Variants in KCNH1 observed in about 807,000 individuals in gnomAD.
KCNH1 encodes the protein voltage-gated delayed rectifier potassium channel KCNH1.
A neutral mutation model predicts 69.2 loss-of-function variants in KCNH1; 27 were observed. That is an observed-to-expected ratio of 0.39 (90% CI 0.29 to 0.54). KCNH1 has a LOEUF of 0.54. KCNH1 is among the 20% of genes least tolerant of loss of function. KCNH1 has a pLI of 0.68. For missense variants in KCNH1, 798 were observed against 1,261.6 expected (o/e 0.63, Z 5.57); for synonymous variants, 456 against 487.7 (o/e 0.93, Z 0.86).
At chr1:210,996,699 T>A (rs1689047996) in intron 6 of KCNH1, among the ~76,000 whole-genome samples, 1 of 152,230 alleles carries the variant, frequency 6.6e-6, no homozygotes, top group Non-Finnish European at 1.5e-5. Flanking sequence ...AAGTGGGTCC[T>A]TGACCCCTGA....
rs545707606 is a variant in KCNH1 at position 210,716,840 on chromosome 1, G to A, written c.2113-32702C>T. Among the ~76,000 whole-genome samples the A allele has an allele frequency of 5.8e-3, 880 of 152,226 alleles. 6 individuals carry two copies. Among genetic ancestry groups the A allele is most frequent in the Non-Finnish European group, 8.1e-3 (551 of 68,008 alleles). On this transcript the variant is annotated intron_variant, in intron 10 of 10. Transcript: ENST00000271751. ...TGGGCATACACTTATAGATAATCAC[G>A]AGTTGCTATGATTTTTTGGGGCTAA...
intron 7 of KCNH1, among the ~76,000 whole-genome samples, chr1:210,824,526 C>G (rs1684998300): frequency 6.6e-6 from 1 of 152,054 alleles, no homozygotes; most frequent in Admixed American, 6.5e-5. Flanking sequence ...ATTGCCAAAT[C>G]TTTTTAATGT....
intron 5 of KCNH1, among the ~76,000 whole-genome samples, chr1:211,026,392 AAAAC>A (rs991473038): frequency 6.6e-6 from 1 of 151,616 alleles, no homozygotes; most frequent in African/African-American, 2.4e-5. Context: ...AAAAAAAAAA[AAAAC>A]AACCACAACA....
rs1262827109 is a variant in KCNH1 at position 210,861,687 on chromosome 1, T to C, written c.1463-57521A>G. The C allele has an allele frequency of 3.9e-6, 3 of 773,804 alleles. No individual in the cohort carries two copies. In the African/African-American group the frequency reaches 5.1e-5, roughly 13 times the overall value. 47.9% of individuals were successfully genotyped at this position (773,804 alleles called of 1,614,324 possible). A position where few individuals can be genotyped will look rare whatever the true frequency, so the allele number is the denominator to read the frequency against. The stretch of plus-strand genomic sequence containing the variant: ...GATCATAGAAGATCTTGAATATTTG[T>C]TTCTGGATGACGACAGACTGATCAG... On this transcript the variant is annotated intron_variant, in intron 7 of 10. Coordinates refer to ENST00000271751, the MANE Select transcript of KCNH1 (RefSeq NM_172362.3).
In KCNH1 at chr1:210,683,153, T is replaced by C. The variant is rs879724402; in HGVS notation, c.*128A>G. On this transcript the variant is annotated 3_prime_UTR_variant, in exon 11 of 11. Transcript: ENST00000271751. The surrounding 1 kb of genome is among the most constrained non-coding windows in gnomAD (Gnocchi z 5.7). ...TAGAGAAAGAGCACGTCTAAGCCAC[T>C]GGCCCCACTTTTTCTGTTAGGAAAA... 15 of 919,100 alleles carry C rather than the reference T, an allele frequency of 1.6e-5. No individual in the cohort carries two copies. The highest frequency in any genetic ancestry group is 2.5e-5 in the Non-Finnish European group (15 of 603,688). 56.9% of individuals were successfully genotyped at this position (919,100 alleles called of 1,614,324 possible).
chr1:210,818,308 C>T (rs1180880025), intron 7 of KCNH1, among the ~76,000 whole-genome samples: 2 of 152,094 alleles, frequency 1.3e-5, no homozygotes, highest in African/African-American at 4.8e-5. Context: ...ACTTTAAAGA[C>T]GTCTTATAAG....
At chr1:210,895,902 G>A (rs972647422) in intron 7 of KCNH1, among the ~76,000 whole-genome samples, 4 of 152,110 alleles carry the variant, frequency 2.6e-5, no homozygotes, top group African/African-American at 9.7e-5. Context: ...TACTGCAGCT[G>A]AGATTAACAC....
chr1:211,075,866 A>C (rs1690722941), intron 5 of KCNH1, among the ~76,000 whole-genome samples: 1 of 152,224 alleles, frequency 6.6e-6, no homozygotes, highest in African/African-American at 2.4e-5. Flanking sequence ...GAAAAACGGG[A>C]TACTCCCACC....
chr1:211,050,181 T>A (rs1399951659), intron 5 of KCNH1, among the ~76,000 whole-genome samples: 1 of 144,504 alleles, frequency 6.9e-6, no homozygotes, highest in Non-Finnish European at 1.5e-5. Flanking sequence ...TTCCATAGAG[T>A]TCCAAAAAGC....
chr1:210,686,204 T>C (rs567944930), intron 10 of KCNH1, among the ~76,000 whole-genome samples: 2 of 152,276 alleles, frequency 1.3e-5, no homozygotes, highest in African/African-American at 4.8e-5. Flanking sequence ...TCATGGGGGA[T>C]GGGAAAGTGA....
chr1:210,797,860 G>A, intron 8 of KCNH1, 100 bp from the exon 9 acceptor site: 1 of 1,359,700 alleles, frequency 7.4e-7, no homozygotes, highest in Non-Finnish European at 1.0e-6. Context: ...CACTACGCCA[G>A]ACTGCACTCT....
At chr1:210,882,518 G>A (rs1026735607) in intron 7 of KCNH1, among the ~76,000 whole-genome samples, 3 of 152,176 alleles carry the variant, frequency 2.0e-5, no homozygotes, top group African/African-American at 7.2e-5. Flanking sequence ...ACAGTGCTCA[G>A]ATAGACGGAG....
At chr1:210,765,404 AAAAC>A (rs1339832305) in intron 10 of KCNH1, among the ~76,000 whole-genome samples, 1 of 152,200 alleles carries the variant, frequency 6.6e-6, no homozygotes, top group East Asian at 1.9e-4. Flanking sequence ...AAAATTTAAT[AAAAC>A]AAACAACCAC....
At chr1:210,916,086 C>A (rs935040567) in intron 7 of KCNH1, among the ~76,000 whole-genome samples, 4 of 152,044 alleles carry the variant, frequency 2.6e-5, no homozygotes, top group African/African-American at 9.7e-5. Context: ...GGTCAATGCT[C>A]CCCATTACTG....
intron 7 of KCNH1, chr1:210,859,307 G>A (rs1181273002): frequency 1.9e-6 from 3 of 1,538,952 alleles, no homozygotes; most frequent in Non-Finnish European, 2.7e-6. Context: ...CAGAGTTACT[G>A]TGTCTGTAAC....
chr1:211,079,864 C>G (rs1405456973), intron 5 of KCNH1, among the ~76,000 whole-genome samples: 1 of 152,136 alleles, frequency 6.6e-6, no homozygotes, highest in African/African-American at 2.4e-5. Flanking sequence ...CAATATCATA[C>G]TGAATGGGCA....
chr1:211,066,359 G>C (rs1440726741), intron 5 of KCNH1, among the ~76,000 whole-genome samples: 2 of 151,946 alleles, frequency 1.3e-5, no homozygotes, highest in Non-Finnish European at 2.9e-5. Flanking sequence ...GGATGTTTTT[G>C]GATTTTGGAA....
chr1:210,952,434 C>A (rs567057622), intron 6 of KCNH1, among the ~76,000 whole-genome samples: 37 of 152,292 alleles, frequency 2.4e-4, no homozygotes, highest in African/African-American at 8.9e-4. Context: ...CTGATCTAAG[C>A]ACAAACATCA....
chr1:210,860,356 G>A, intron 7 of KCNH1: 1 of 1,443,068 alleles, frequency 6.9e-7, no homozygotes, highest in Non-Finnish European at 9.7e-7. Context: ...TTGTAAAACA[G>A]TACCAATGAC....
Sources: gnomAD v4.1 joint callset for allele counts (sites outside exome capture counted in the v4.1 genomes callset) on GRCh38, gnomAD v4.1.1 for gene constraint, Gnocchi (gnomAD v3.1) non-coding constraint, MANE v1.5 for transcripts, NCBI Gene and HGNC (gene_info 2026-07-23, HGNC 2026-07-21) for gene names.